MED13L: variants seen among roughly 807,000 people sequenced by gnomAD.
MED13L encodes the protein mediator complex subunit 13L, also known as mediator of RNA polymerase II transcription subunit 13-like.
In MED13L, 7 loss-of-function variants were observed where a neutral mutation model predicts 220.9. That is an observed-to-expected ratio of 0.03 (90% CI 0.02 to 0.06). MED13L has a LOEUF of 0.06. MED13L is among the 10% of genes least tolerant of loss of function. MED13L has a pLI of 1.00. For missense variants in MED13L, 1,965 were observed against 2,760.5 expected, an observed-to-expected ratio of 0.71 and a Z score of 6.46; for synonymous variants, 1,011 against 1,015.2, an observed-to-expected ratio of 1.00 and a Z score of 0.08.
chr12:116,241,341 A>AACACAC (rs890266083), intron 1 of MED13L, among the ~76,000 whole-genome samples: 5 of 149,138 alleles, frequency 3.4e-5, no homozygotes, highest in East Asian at 2.0e-4. Context: ...ACAAAAAAAA[A>AACACAC]ACACACACAC....
At chr12:116,260,626 T>G (rs1003400542) in intron 1 of MED13L, among the ~76,000 whole-genome samples, 3 of 152,138 alleles carry the variant, frequency 2.0e-5, no homozygotes, top group Non-Finnish European at 4.4e-5. Flanking sequence ...AACAAAAATT[T>G]GAAAGAAACC....
intron 2 of MED13L, among the ~76,000 whole-genome samples, chr12:116,235,822 T>G (rs908825077): frequency 6.6e-6 from 1 of 152,146 alleles, no homozygotes; most frequent in African/African-American, 2.4e-5. Context: ...ATAACCCTCA[T>G]TAGCAGTTGG....
intron 17 of MED13L, 64 bp downstream of exon 17, chr12:115,990,956 A>G: frequency 3.9e-6 from 6 of 1,556,118 alleles, no homozygotes; most frequent in South Asian, 1.1e-5. Flanking sequence ...CAGTAAAGAA[A>G]GCTTTTAAGT....
At chr12:116,023,373 G>C (rs1880178932) in intron 4 of MED13L, among the ~76,000 whole-genome samples, 1 of 152,130 alleles carries the variant, frequency 6.6e-6, no homozygotes, top group African/African-American at 2.4e-5. Flanking sequence ...TTGGCCCTAA[G>C]ATAGCCATAA....
At chr12:116,092,204 A>C (rs1872281556) in intron 4 of MED13L, among the ~76,000 whole-genome samples, 1 of 152,258 alleles carries the variant, frequency 6.6e-6, no homozygotes, top group Non-Finnish European at 1.5e-5. Context: ...AAAATCATAG[A>C]TAGCTACTGA....
At chr12:115,982,979 G>T in intron 21 of MED13L, 138 bp downstream of exon 21, 1 of 895,316 alleles carries the variant, frequency 1.1e-6, no homozygotes, top group East Asian at 2.6e-5. Flanking sequence ...ATCGACCATT[G>T]CCCCTTTCTT....
chr12:115,977,501 C>T (rs1877017849), intron 23 of MED13L, among the ~76,000 whole-genome samples: 1 of 152,154 alleles, frequency 6.6e-6, no homozygotes, highest in Admixed American at 6.5e-5. Flanking sequence ...AAACCTTGTA[C>T]ATATTCATAG....
At chr12:115,965,153 G>A (rs1034406230) in intron 29 of MED13L, among the ~76,000 whole-genome samples, 11 of 152,084 alleles carry the variant, frequency 7.2e-5, no homozygotes, top group South Asian at 2.1e-4. Context: ...ATGTGTGTAC[G>A]TGTATATGTG....
intron 16 of MED13L, among the ~76,000 whole-genome samples, chr12:115,995,038 G>A (rs1360986162): frequency 2.0e-5 from 3 of 152,158 alleles, no homozygotes; most frequent in Non-Finnish European, 2.9e-5. Flanking sequence ...TATTAATACT[G>A]CAAGTGTAGC....
Position 116,270,566 on chromosome 12 carries a change from A to C in MED13L, c.72+6494T>G, listed in dbSNP as rs562793563. Among the ~76,000 whole-genome samples, 9 of 152,296 alleles carry C rather than the reference A, an allele frequency of 5.9e-5. No homozygotes were observed. The South Asian group carries it at 1.5e-3, about 25-fold the overall frequency. On this transcript the variant is annotated intron_variant, in intron 1 of 30. Coordinates refer to ENST00000281928, the MANE Select transcript of MED13L (RefSeq NM_015335.5). ...TGTACATGACTTCATACTAAACAAA[A>C]ATTGGGCAAGCATACATATTTCATT...
chr12:115,977,175 T>C (rs1876996488), intron 23 of MED13L, among the ~76,000 whole-genome samples: 1 of 152,114 alleles, frequency 6.6e-6, no homozygotes, highest in African/African-American at 2.4e-5. Context: ...GTAATAATCA[T>C]TCTTACCTAG....
chr12:115,992,086 G>T (rs1442410695), intron 16 of MED13L, 129 bp from the exon 17 acceptor site: 5 of 835,006 alleles, frequency 6.0e-6, no homozygotes, highest in Non-Finnish European at 9.8e-6. Context: ...GGATACACTG[G>T]TATATTTAAT....
intron 10 of MED13L, chr12:116,008,137 C>A: frequency 2.1e-6 from 1 of 479,172 alleles, no homozygotes; most frequent in African/African-American, 2.0e-5. Flanking sequence ...AATTAACAAA[C>A]AGTAGGGCAA....
chr12:116,148,152 C>A (rs1055507234), intron 2 of MED13L, among the ~76,000 whole-genome samples: 1 of 150,116 alleles, frequency 6.7e-6, no homozygotes. Flanking sequence ...CATTTCCATT[C>A]ATTCATGTAT....
At chr12:116,208,450 C>G (rs542526696) in intron 2 of MED13L, among the ~76,000 whole-genome samples, 1 of 152,162 alleles carries the variant, frequency 6.6e-6, no homozygotes, top group Non-Finnish European at 1.5e-5. Context: ...TTTTAATCCA[C>G]GAGTTCACGA....
chr12:116,147,107 A>G (rs529529016), intron 2 of MED13L, among the ~76,000 whole-genome samples: 1 of 152,166 alleles, frequency 6.6e-6, no homozygotes, highest in South Asian at 2.1e-4. Context: ...CCATTTAACC[A>G]ATATTCAACA....
At chr12:116,033,457 T>A (rs1382566540) in intron 4 of MED13L, among the ~76,000 whole-genome samples, 1 of 152,210 alleles carries the variant, frequency 6.6e-6, no homozygotes, top group Non-Finnish European at 1.5e-5. Context: ...TTAAAAACCC[T>A]TTTCACTGGG....
chr12:116,013,657 G>GA (rs1441500017), intron 8 of MED13L, among the ~76,000 whole-genome samples: 1 of 152,200 alleles, frequency 6.6e-6, no homozygotes, highest in Non-Finnish European at 1.5e-5. Flanking sequence ...ATGTGAAATA[G>GA]AAAATAGAAG....
chr12:116,020,318 A>G (rs2137437102), intron 5 of MED13L, among the ~76,000 whole-genome samples: 1 of 152,300 alleles, frequency 6.6e-6, no homozygotes, highest in Middle Eastern at 3.4e-3. Flanking sequence ...AAATATGGAT[A>G]GTACAATGTT....
Sources: allele counts gnomAD v4.1 joint callset (sites outside exome capture counted in the v4.1 genomes callset), GRCh38; gene constraint gnomAD v4.1.1; transcripts MANE v1.5; gene names NCBI Gene and HGNC (gene_info 2026-07-23, HGNC 2026-07-21).